The following ETV1 variants were observed in gnomAD, a reference collection of about 807,000 sequenced individuals.
ETV1 encodes the protein ETS variant transcription factor 1.
A neutral mutation model predicts 62.3 loss-of-function variants in ETV1; 27 were observed. The ratio of observed to expected loss-of-function variants is 0.43; its 90% CI spans 0.32 to 0.60. ETV1 has a LOEUF of 0.60. Among genes scored for constraint, ETV1 ranks in the 20% least tolerant of loss-of-function variants. The pLI is 0.06. For missense variants in ETV1, 605 were observed against 605.8 expected (o/e 1.00, Z 0.01); for synonymous variants, 222 against 199.6 (o/e 1.11, Z -0.94).
rs1781478216 is a variant in ETV1 at position 13,892,951 on chromosome 7, T to C, written c.*2915A>G. ...GATAAATTTGTGTAAATTACTGAAG[T>C]TGTGGTAATTGGTTACAGCATCTAC... is the stretch of plus-strand genomic sequence containing the variant. On this transcript the variant is annotated 3_prime_UTR_variant, in exon 14 of 14. Coordinates refer to ENST00000430479, the MANE Select transcript of ETV1 (RefSeq NM_004956.5). 4.3e-6 allele frequency: 1 copy of C among 232,432 alleles called. No homozygotes were observed. The highest frequency in any genetic ancestry group is 1.8e-4 in the South Asian group (1 of 5,520). The allele number at this position is 232,432 out of a possible 1,614,324, so 14.4% of individuals were successfully genotyped here.
chr7:13,900,716 T>C, intron 13 of ETV1, 22 bp downstream of exon 13: 2 of 1,479,050 alleles, frequency 1.4e-6, no homozygotes, highest in Non-Finnish European at 9.3e-7. Flanking sequence ...CAATGAATTT[T>C]AATGCTGTAT....
In ETV1 at chr7:13,987,850, A is replaced by G. The variant is rs1240773295; in HGVS notation, c.133+236T>C. On this transcript the variant is annotated intron_variant, in intron 4 of 13. Transcript: ENST00000430479. ...TTAAACACAAAACAATGATTAAAAG[A>G]AGGTTGTCATTGAGAAGTTTTTATT... 2.6e-5 allele frequency among the ~76,000 whole-genome samples: 4 copies of G among 152,224 alleles called. No individual in the cohort carries two copies. The East Asian group carries it at 5.8e-4, about 22-fold the overall frequency.
chr7:13,964,014 C>T (rs1445444150), intron 6 of ETV1, among the ~76,000 whole-genome samples: 2 of 152,008 alleles, frequency 1.3e-5, no homozygotes, highest in Non-Finnish European at 1.5e-5. Flanking sequence ...TTTCAGATGG[C>T]AAAAACATCC....
intron 6 of ETV1, among the ~76,000 whole-genome samples, chr7:13,961,593 C>A (rs1790169227): frequency 6.6e-6 from 1 of 152,032 alleles, no homozygotes; most frequent in Non-Finnish European, 1.5e-5. Context: ...AAAATCAACA[C>A]TTTTTTTCCC....
rs571922372 is a variant in ETV1 at position 13,961,571 on chromosome 7, C to A, written c.235+15856G>T. ...TTATTGCTTTACATTGTAAAGGTTG[C>A]ATCTTAATTGAAAAATCAACACTTT... On this transcript the variant is annotated intron_variant, in intron 6 of 13. Transcript: ENST00000430479. Among the ~76,000 whole-genome samples, 44 of 152,066 alleles carry A rather than the reference C, an allele frequency of 2.9e-4. 1 individual carries two copies. The highest frequency in any genetic ancestry group is 9.7e-5 in the African/African-American group (4 of 41,400).
chr7:13,916,636 A>G (rs1336060442), intron 9 of ETV1, among the ~76,000 whole-genome samples: 2 of 152,068 alleles, frequency 1.3e-5, no homozygotes, highest in African/African-American at 4.8e-5. Flanking sequence ...CTCCATCTCA[A>G]AAAAAGAGTA....
At chr7:13,946,745 G>A (rs1788210322) in intron 6 of ETV1, among the ~76,000 whole-genome samples, 1 of 151,964 alleles carries the variant, frequency 6.6e-6, no homozygotes, top group Non-Finnish European at 1.5e-5. Context: ...GAAATATAAG[G>A]GGAGAATATG....
intron 9 of ETV1, among the ~76,000 whole-genome samples, chr7:13,915,582 G>A (rs978527214): frequency 6.6e-6 from 1 of 152,016 alleles, no homozygotes; most frequent in African/African-American, 2.4e-5. Flanking sequence ...AAATCCAAAG[G>A]TTTACAAGGA....
At chr7:13,973,623 C>G (rs1185244304) in intron 6 of ETV1, among the ~76,000 whole-genome samples, 1 of 151,716 alleles carries the variant, frequency 6.6e-6, no homozygotes, top group Non-Finnish European at 1.5e-5. Context: ...CTGTGAAAAC[C>G]TGAAATAACA....
At position 13,896,034 on chromosome 7, in the gene ETV1, G is replaced by A. The variant is rs373991112; in HGVS notation, c.1266C>T (p.Phe422=). 16 of 1,613,676 alleles carry A rather than the reference G, an allele frequency of 9.9e-6. No individual in the cohort carries two copies. Among genetic ancestry groups the A allele is most frequent in the African/African-American group, 4.0e-5 (3 of 74,916 alleles). The change falls in exon 14 of 14, where the codon TTC becomes TTT. Residue 422 remains phenylalanine (F), a synonymous_variant. Coordinates refer to ENST00000430479, the MANE Select transcript of ETV1 (RefSeq NM_004956.5). ...GCTGATTATCTGGAAAGGCCATGGAGAAAAGGGCTTCTGGATCACACACAA... is the reference window on the plus strand; with the variant it reads ...GCTGATTATCTGGAAAGGCCATGGAAAAAAGGGCTTCTGGATCACACACAA... ...YKFVCDPEAL[F]SMAFPDNQRP... is the part of the protein sequence containing the mutation.
intron 7 of ETV1, 69 bp from the exon 8 acceptor site, chr7:13,935,965 C>T: frequency 1.6e-6 from 2 of 1,235,378 alleles, no homozygotes; most frequent in South Asian, 3.0e-5. Context: ...AGTTTCTAAT[C>T]CAAAGGAAGA....
At chr7:13,922,569 G>C (rs1415123698) in intron 9 of ETV1, among the ~76,000 whole-genome samples, 1 of 152,092 alleles carries the variant, frequency 6.6e-6, no homozygotes, top group Non-Finnish European at 1.5e-5. Context: ...AAGACAGCGA[G>C]ACCCTATCTC....
chr7:13,960,545 TAGATTTAAACCC>T (rs966134921), intron 6 of ETV1, among the ~76,000 whole-genome samples: 13 of 152,232 alleles, frequency 8.5e-5, no homozygotes, highest in Non-Finnish European at 1.6e-4. Flanking sequence ...TTATAAAACT[TAGATTTAAACCC>T]AGATTTAAAC....
intron 3 of ETV1, chr7:13,988,564 C>CA (rs11364123): frequency 0.01 from 3,897 of 387,138 alleles, 4 homozygotes; most frequent in African/African-American, 0.021. Context: ...CCCACCCCCA[C>CA]AAAAAAAAAA....
At chr7:13,903,880 C>T (rs1450255294) in intron 12 of ETV1, among the ~76,000 whole-genome samples, 3 of 151,866 alleles carry the variant, frequency 2.0e-5, no homozygotes, top group South Asian at 2.1e-4. Context: ...AAAGATTATG[C>T]GTTTTCTAAA....
Position 13,957,378 on chromosome 7 carries a change from T to C in ETV1, c.236-18132A>G, listed in dbSNP as rs771375570. ...TGGGATTACAGGCCTAAGGCACCTA[T>C]TTAAATGTAACCTTTTGAGATGCTT... On this transcript the variant is annotated intron_variant, in intron 6 of 13. Transcript: ENST00000430479. 2.3e-4 allele frequency among the ~76,000 whole-genome samples: 35 copies of C among 152,248 alleles called. No individual in the cohort carries two copies. In the Middle Eastern group the frequency reaches 0.01, roughly 44 times the overall value.
chr7:13,907,966 T>C lies in ETV1; in HGVS notation c.941-1367A>G. On this transcript the variant is annotated intron_variant, in intron 11 of 13. Coordinates refer to ENST00000430479, the MANE Select transcript of ETV1 (RefSeq NM_004956.5). Reference sequence around the variant, plus strand: ...ATCTTCATATCGATTTCAATGACAGTTTTATTTATCTCAGTTTTTCCTTCT... The same window carrying C: ...ATCTTCATATCGATTTCAATGACAGCTTTATTTATCTCAGTTTTTCCTTCT... 2.0e-5 allele frequency: 7 copies of C among 355,154 alleles called. 1 individual carries two copies. Among genetic ancestry groups the C allele is most frequent in the South Asian group, 1.6e-4 (7 of 44,486 alleles). The allele number at this position is 355,154 out of a possible 1,614,324, so 22.0% of individuals were successfully genotyped here.
At position 13,895,401 on chromosome 7, in the gene ETV1, C is replaced by T; in HGVS notation, c.*465G>A. ...CAGTAGATTGGGGTTTTTTTGTACA[C>T]CTGCAGAGACTCATAAATGACAGGG... On this transcript the variant is annotated 3_prime_UTR_variant, in exon 14 of 14. Coordinates refer to ENST00000430479, the MANE Select transcript of ETV1 (RefSeq NM_004956.5). 1 of 237,532 alleles carries T rather than the reference C, an allele frequency of 4.2e-6. No individual in the cohort carries two copies. 14.7% of individuals were successfully genotyped at this position (237,532 alleles called of 1,614,324 possible).
chr7:13,936,612 T>C (rs1012760313), intron 7 of ETV1, among the ~76,000 whole-genome samples: 1 of 152,244 alleles, frequency 6.6e-6, no homozygotes, highest in East Asian at 1.9e-4. Flanking sequence ...TTTTACATTA[T>C]GATTTTAAAC....
Sources: allele counts gnomAD v4.1 joint callset (sites outside exome capture counted in the v4.1 genomes callset), GRCh38; gene constraint gnomAD v4.1.1; transcripts MANE v1.5; gene names NCBI Gene and HGNC (gene_info 2026-07-23, HGNC 2026-07-21).